Variants in TPH2 observed in about 807,000 individuals in gnomAD.
The protein encoded by TPH2 is tryptophan hydroxylase 2.
Under a neutral mutation model 59.1 loss-of-function variants are expected in TPH2, and 27 were observed. That is an observed-to-expected ratio of 0.46 (90% CI 0.34 to 0.63). TPH2 has a LOEUF of 0.63. Ranked by LOEUF, TPH2 falls within the 30% of genes least tolerant of loss-of-function variation. The pLI, the probability that TPH2 is intolerant of heterozygous loss-of-function variation, is 0.01. For synonymous variants in TPH2, 220 were observed against 210.5 expected, an observed-to-expected ratio of 1.05 and a Z score of -0.39; for missense variants, 523 against 588.3, an observed-to-expected ratio of 0.89 and a Z score of 1.15.
intron 5 of TPH2, among the ~76,000 whole-genome samples, chr12:71,957,093 T>C (rs1012592605): frequency 6.6e-6 from 1 of 152,188 alleles, no homozygotes. Flanking sequence ...TTAAAAGCTC[T>C]GTGGTCATGG....
At chr12:71,949,447 G>T (rs1871284930) in intron 4 of TPH2, 141 bp from the exon 5 acceptor site, 2 of 680,868 alleles carry the variant, frequency 2.9e-6, no homozygotes, top group Admixed American at 4.4e-5. Context: ...ATTTGTTTCT[G>T]TCTGTGTCAT....
intron 2 of TPH2, 82 bp from the exon 3 acceptor site, chr12:71,944,212 G>T: frequency 6.7e-7 from 1 of 1,485,554 alleles, no homozygotes. Flanking sequence ...TTGGCACCTT[G>T]CTTAAGATGT....
chr12:71,968,677 A>G (rs1278701426), intron 5 of TPH2, among the ~76,000 whole-genome samples: 1 of 152,200 alleles, frequency 6.6e-6, no homozygotes, highest in Non-Finnish European at 1.5e-5. Flanking sequence ...CTTTGAGAGG[A>G]GGAAAGAAAC....
intron 5 of TPH2, among the ~76,000 whole-genome samples, chr12:71,968,023 C>G (rs1871865497): frequency 1.3e-5 from 2 of 152,142 alleles, no homozygotes; most frequent in African/African-American, 4.8e-5. Context: ...AGACCTATTT[C>G]TTCTAGAGTT....
At chr12:72,023,741 T>A (rs904641607) in intron 9 of TPH2, among the ~76,000 whole-genome samples, 39 of 148,168 alleles carry the variant, frequency 2.6e-4, no homozygotes, top group African/African-American at 9.4e-4. Context: ...AGGCAAGCAC[T>A]TGAACCCAGG....
intron 8 of TPH2, among the ~76,000 whole-genome samples, chr12:72,001,706 A>T (rs981763501): frequency 1.3e-5 from 2 of 152,130 alleles, no homozygotes; most frequent in African/African-American, 4.8e-5. Context: ...ACTTCTTAGA[A>T]ACATAATATG....
At chr12:71,945,040 G>A (rs1871164466) in intron 4 of TPH2, among the ~76,000 whole-genome samples, 1 of 152,128 alleles carries the variant, frequency 6.6e-6, no homozygotes, top group South Asian at 2.1e-4. Flanking sequence ...GGGAAACTAG[G>A]GAGGACTAGG....
chr12:71,988,472 A>G (rs1424744786), intron 7 of TPH2, among the ~76,000 whole-genome samples: 1 of 152,160 alleles, frequency 6.6e-6, no homozygotes, highest in East Asian at 1.9e-4. Context: ...AAAAGAGAAC[A>G]CTTCACATGG....
At chr12:71,993,140 T>C (rs371324555) in intron 7 of TPH2, among the ~76,000 whole-genome samples, 3 of 152,326 alleles carry the variant, frequency 2.0e-5, no homozygotes, top group South Asian at 4.1e-4. Context: ...GGGATACGGT[T>C]TGAGTTGTGG....
chr12:71,957,327 A>ATTTTTTTTTTTTT (rs35425528), intron 5 of TPH2, among the ~76,000 whole-genome samples: 2 of 95,596 alleles, frequency 2.1e-5, no homozygotes, highest in East Asian at 6.7e-4. Flanking sequence ...TGAGTAAAGG[A>ATTTTTTTTTTTTT]TTTTTTTTTT....
intron 5 of TPH2, among the ~76,000 whole-genome samples, chr12:71,951,353 G>A (rs1163869391): frequency 6.6e-6 from 1 of 152,054 alleles, no homozygotes; most frequent in Non-Finnish European, 1.5e-5. Flanking sequence ...AGGGGGTGTG[G>A]GCAGGGCAGT....
chr12:72,029,338 AG>A (rs1873655063), intron 9 of TPH2, among the ~76,000 whole-genome samples: 1 of 152,222 alleles, frequency 6.6e-6, no homozygotes, highest in African/African-American at 2.4e-5. Context: ...ACATTGAGCC[AG>A]CCACAGTCCT....
intron 7 of TPH2, among the ~76,000 whole-genome samples, chr12:71,986,541 TCTAA>T (rs752290143): frequency 2.6e-5 from 4 of 152,134 alleles, no homozygotes; most frequent in Admixed American, 6.6e-5. Context: ...CAAAATTGTG[TCTAA>T]CTGTCTGCTG....
chr12:71,974,457 C>T (rs952324817), intron 6 of TPH2, among the ~76,000 whole-genome samples: 8 of 152,166 alleles, frequency 5.3e-5, no homozygotes, highest in African/African-American at 1.9e-4. Flanking sequence ...CTCTTCTTTG[C>T]ATCACTCCAA....
At chr12:72,001,281 T>A (rs1421771048) in intron 8 of TPH2, among the ~76,000 whole-genome samples, 1 of 152,192 alleles carries the variant, frequency 6.6e-6, no homozygotes, top group Non-Finnish European at 1.5e-5. Flanking sequence ...GAGTCTTGGC[T>A]AAGGGTAATG....
chr12:71,967,146 C>T (rs1871839960), intron 5 of TPH2, among the ~76,000 whole-genome samples: 1 of 152,206 alleles, frequency 6.6e-6, no homozygotes, highest in African/African-American at 2.4e-5. Flanking sequence ...TAAACAACTT[C>T]AGTCTAATAA....
In TPH2 at chr12:71,964,746, G is replaced by T. The variant is rs117962916; in HGVS notation, c.609-7773G>T. On this transcript the variant is annotated intron_variant, in intron 5 of 10. Transcript: ENST00000333850. ...GTTGTGAGACATGCAACAAATGCTT[G>T]ATAAGAGTTAATTATAAATTTTGTG... The T allele has an allele frequency of 1.3e-5, 13 of 985,298 alleles. No individual in the cohort carries two copies. In the East Asian group the frequency reaches 1.1e-3, roughly 86 times the overall value. 61.0% of individuals were successfully genotyped at this position (985,298 alleles called of 1,614,324 possible). A position where few individuals can be genotyped will look rare whatever the true frequency, so the allele number is the denominator to read the frequency against.
At chr12:71,943,408 CAG>C (rs1405057383) in intron 2 of TPH2, among the ~76,000 whole-genome samples, 1 of 152,018 alleles carries the variant, frequency 6.6e-6, no homozygotes, top group East Asian at 1.9e-4. Flanking sequence ...ATGGAGAGAA[CAG>C]AGTCTTCAAT....
intron 5 of TPH2, 27 bp downstream of exon 5, chr12:71,949,682 T>TAA: frequency 6.3e-7 from 1 of 1,585,356 alleles, no homozygotes. Context: ...CTCTTTCTTG[T>TAA]CACTGGCTAG....
Sources: allele counts gnomAD v4.1 joint callset (sites outside exome capture counted in the v4.1 genomes callset), GRCh38; gene constraint gnomAD v4.1.1; transcripts MANE v1.5; gene names NCBI Gene and HGNC (gene_info 2026-07-23, HGNC 2026-07-21).